RSPRY1: variants seen among roughly 807,000 people sequenced by gnomAD.
RSPRY1 encodes ring finger and SPRY domain containing 1, also known as RING finger and SPRY domain-containing protein 1.
A neutral mutation model predicts 73.1 loss-of-function variants in RSPRY1; 23 were observed. The observed-to-expected ratio is 0.31, with a 90% CI of 0.23 to 0.45. RSPRY1 has a LOEUF of 0.45. Among genes scored for constraint, RSPRY1 ranks in the 20% least tolerant of loss-of-function variants. The pLI is 1.00. For synonymous variants in RSPRY1, 226 were observed against 251.4 expected, an observed-to-expected ratio of 0.90 and a Z score of 0.95; for missense variants, 448 against 698.7, an observed-to-expected ratio of 0.64 and a Z score of 4.05.
At chr16:57,231,365 A>G (rs1326182587) in intron 13 of RSPRY1, 46 bp downstream of exon 13, 2 of 1,538,762 alleles carry the variant, frequency 1.3e-6, no homozygotes, top group Non-Finnish European at 1.8e-6. Flanking sequence ...CATGAATCTT[A>G]TGAGAAATTA....
chr16:57,199,895 G>GTTTTTTTTTTTTTTTTT (rs61132783), intron 1 of RSPRY1, among the ~76,000 whole-genome samples: 1 of 106,254 alleles, frequency 9.4e-6, no homozygotes, highest in Non-Finnish European at 1.9e-5. Context: ...TTTTTTGTTT[G>GTTTTTTTTTTTTTTTTT]TTTTTTTTTT....
At chr16:57,201,340 C>T (rs867015550) in intron 1 of RSPRY1, among the ~76,000 whole-genome samples, 2 of 144,904 alleles carry the variant, frequency 1.4e-5, no homozygotes, top group South Asian at 2.1e-4. Context: ...CGGGCAGAGA[C>T]GCTCCTCACA....
intron 4 of RSPRY1, among the ~76,000 whole-genome samples, chr16:57,212,081 G>A (rs890182625): frequency 1.3e-5 from 2 of 152,196 alleles, no homozygotes; most frequent in Non-Finnish European, 2.9e-5. Context: ...GGGGGCTGAA[G>A]CAGGAGGATC....
chr16:57,205,970 C>T (rs544625041), intron 2 of RSPRY1, among the ~76,000 whole-genome samples: 4 of 152,250 alleles, frequency 2.6e-5, no homozygotes, highest in African/African-American at 9.6e-5. Context: ...ATTTGATAAT[C>T]GCATTTATAG....
intron 11 of RSPRY1, 34 bp downstream of exon 11, chr16:57,227,487 G>A (rs778277150): frequency 1.4e-6 from 2 of 1,455,082 alleles, no homozygotes; most frequent in Non-Finnish European, 1.9e-6. Flanking sequence ...TTTATCAAGT[G>A]GGTTAAGACA....
At chr16:57,235,255 T>G (rs1370972061) in intron 14 of RSPRY1, 27 bp downstream of exon 14, 2 of 1,492,296 alleles carry the variant, frequency 1.3e-6, no homozygotes, top group East Asian at 2.3e-5. Flanking sequence ...TAGGCAAAGT[T>G]TCATACTGTT....
intron 10 of RSPRY1, chr16:57,224,592 A>T (rs1450630046): frequency 6.6e-6 from 1 of 152,260 alleles, no homozygotes; most frequent in African/African-American, 2.4e-5. Context: ...GGAAACCAAA[A>T]TTAATCCTGC....
rs371468313 is a variant in RSPRY1 at position 57,235,235 on chromosome 16, G to A, written c.1634+7G>A. On this transcript the variant is annotated splice_region_variant and intron_variant, in intron 14 of 14. Coordinates refer to ENST00000394420, the MANE Select transcript of RSPRY1 (RefSeq NM_133368.3). ...TGAAGCCATGTGGACACAGGTAAGA[G>A]GATTTATATTAGGCAAAGTTTCATA... 24 of 1,595,126 alleles carry A rather than the reference G, an allele frequency of 1.5e-5. No individual in the cohort carries two copies. In the African/African-American group the frequency reaches 2.4e-4, roughly 16 times the overall value.
chr16:57,221,317 T>C lies in RSPRY1; in HGVS notation c.1063T>C (p.Cys355Arg), dbSNP rs2075032006. The change falls in exon 10 of 15, where the codon TGT (cysteine) becomes CGT (arginine). Residue 355 changes from cysteine (C) to arginine (R), a missense_variant. Physicochemically the swap from Cys to Arg is radical, Grantham distance 180 (BLOSUM62 -3). Transcript: ENST00000394420. ...SSFESVRCTF[C>R]VDAGVWYYEV... Reference sequence around the variant, plus strand: ...TTTTGAAAGTGTGCGTTGCACCTTTTGTGTGGATGCCGGGGTATGGTACTA... The same window carrying C: ...TTTTGAAAGTGTGCGTTGCACCTTTCGTGTGGATGCCGGGGTATGGTACTA... 2 of 1,614,152 alleles carry C rather than the reference T, an allele frequency of 1.2e-6. No individual in the cohort carries two copies. Among genetic ancestry groups the C allele is most frequent in the Non-Finnish European group, 1.7e-6 (2 of 1,180,034 alleles).
At chr16:57,200,620 C>T (rs1206499787) in intron 1 of RSPRY1, among the ~76,000 whole-genome samples, 3 of 143,106 alleles carry the variant, frequency 2.1e-5, no homozygotes, top group African/African-American at 7.8e-5. Flanking sequence ...CGGGCAGAGG[C>T]GCCCCTCACC....
intron 1 of RSPRY1, among the ~76,000 whole-genome samples, chr16:57,192,904 C>A (rs1263741421): frequency 6.6e-6 from 1 of 151,998 alleles, no homozygotes; most frequent in Non-Finnish European, 1.5e-5. Flanking sequence ...TTTGTAGAAA[C>A]AGGGTTTCGC....
rs2075136006 is a variant in RSPRY1 at position 57,227,349 on chromosome 16, A to G, written c.1169A>G (p.Tyr390Cys). ...RDSKFLNHEGYGIGDDEYSCA... is the reference protein window; with the variant it reads ...RDSKFLNHEGCGIGDDEYSCA... The stretch of plus-strand genomic sequence containing the variant: ...GGCCTTGTCTCTCTCCAGGAAGGCT[A>G]CGGCATTGGGGATGATGAATACTCC... Residue 390 changes from tyrosine (Y) to cysteine (C), a missense_variant, in exon 11 of 15, where the codon TAC (tyrosine) becomes TGC (cysteine). Physicochemically the swap from Tyr to Cys is radical, Grantham distance 194. Coordinates refer to ENST00000394420, the MANE Select transcript of RSPRY1 (RefSeq NM_133368.3). 3.1e-6 allele frequency: 5 copies of G among 1,612,964 alleles called. No homozygotes were observed. Among genetic ancestry groups the G allele is most frequent in the Non-Finnish European group, 4.2e-6 (5 of 1,178,972 alleles).
chr16:57,222,495 T>C (rs2075054532), intron 10 of RSPRY1, among the ~76,000 whole-genome samples: 1 of 152,170 alleles, frequency 6.6e-6, no homozygotes, highest in South Asian at 2.1e-4. Context: ...AGAGACAAAT[T>C]GGAGGAAAAG....
Position 57,213,874 on chromosome 16 carries a change from T to TTATATAATTTAATTATATCAATTAAAAA in RSPRY1, c.644-13_644-12insATATAATTTAATTATATCAATTAAAAAT. ...GCATTTTAATTATATCAAGTGTTTG[T>TTATATAATTTAATTATATCAATTAAAAA]TGTATTTGTCTAGGTCCTGCAAGTA... On this transcript the variant is annotated splice_polypyrimidine_tract_variant and intron_variant, in intron 5 of 14. Transcript: ENST00000394420. The TTATATAATTTAATTATATCAATTAAAAA allele has an allele frequency of 6.4e-7, 1 of 1,565,564 alleles. No individual in the cohort carries two copies. Among genetic ancestry groups the TTATATAATTTAATTATATCAATTAAAAA allele is most frequent in the Non-Finnish European group, 8.8e-7 (1 of 1,135,954 alleles).
At position 57,239,049 on chromosome 16, in the gene RSPRY1, ACTCT is replaced by A; in HGVS notation, c.*77_*80del. The A allele has an allele frequency of 1.4e-6, 1 of 733,442 alleles. No individual in the cohort carries two copies. Among genetic ancestry groups the A allele is most frequent in the Non-Finnish European group, 2.2e-6 (1 of 459,328 alleles). 45.4% of individuals were successfully genotyped at this position (733,442 alleles called of 1,614,324 possible). A position where few individuals can be genotyped will look rare whatever the true frequency, so the allele number is the denominator to read the frequency against. ...TGTTGAAAAGAAAAAGAAAAAAAAA[ACTCT>A]CTAATCAGTTGTACACACATTGAAA... On this transcript the variant is annotated 3_prime_UTR_variant, in exon 15 of 15. Transcript: ENST00000394420.
At chr16:57,224,150 A>G (rs2075084389) in intron 10 of RSPRY1, among the ~76,000 whole-genome samples, 1 of 152,242 alleles carries the variant, frequency 6.6e-6, no homozygotes, top group African/African-American at 2.4e-5. Context: ...AGAAACAGGA[A>G]GTACAATAGC....
At chr16:57,203,055 C>T (rs776832655) in intron 1 of RSPRY1, among the ~76,000 whole-genome samples, 2 of 151,938 alleles carry the variant, frequency 1.3e-5, no homozygotes, top group Non-Finnish European at 2.9e-5. Flanking sequence ...CCTGTAATCC[C>T]AGCACTTTGG....
chr16:57,210,209 G>A (rs918398831), intron 4 of RSPRY1, among the ~76,000 whole-genome samples: 3 of 151,446 alleles, frequency 2.0e-5, no homozygotes, highest in African/African-American at 7.3e-5. Context: ...TTCCCATGTT[G>A]CTGGACTACA....
chr16:57,220,943 C>A, intron 9 of RSPRY1, 96 bp downstream of exon 9: 2 of 879,732 alleles, frequency 2.3e-6, no homozygotes, highest in Non-Finnish European at 3.6e-6. Context: ...GTGCTTCCCA[C>A]TCTCCCTGTA....
Sources: gnomAD v4.1 joint callset for allele counts (sites outside exome capture counted in the v4.1 genomes callset) on GRCh38, gnomAD v4.1.1 for gene constraint, MANE v1.5 for transcripts, NCBI Gene and HGNC (gene_info 2026-07-23, HGNC 2026-07-21) for gene names.